SNAPC4: variants seen among roughly 807,000 people sequenced by gnomAD.
SNAPC4 encodes the protein snRNA-activating protein complex subunit 4.
A neutral mutation model predicts 151.3 loss-of-function variants in SNAPC4; 127 were observed. The ratio of observed to expected loss-of-function variants is 0.84; its 90% CI spans 0.73 to 0.97. The LOEUF (loss-of-function observed/expected upper bound fraction) is 0.97, where lower values mean the gene tolerates loss of function less well. SNAPC4 is among the 50% of genes least tolerant of loss of function. The probability of loss-of-function intolerance (pLI) is 0.00; values close to 1 mark genes in which losing one functional copy is unlikely to be tolerated. For missense variants in SNAPC4, 2,186 were observed against 1,935.0 expected, an observed-to-expected ratio of 1.13 and a Z score of -2.43; for synonymous variants, 1,002 against 824.4, an observed-to-expected ratio of 1.22 and a Z score of -3.69.
chr9:136,394,441 A>C, intron 6 of SNAPC4, 111 bp from the exon 7 acceptor site: 2 of 905,656 alleles, frequency 2.2e-6, no homozygotes, highest in Non-Finnish European at 3.7e-6. Context: ...CACAGCGAGT[A>C]AGCAGCACGC....
intron 3 of SNAPC4, 79 bp downstream of exon 3, chr9:136,396,898 C>T: frequency 1.7e-6 from 2 of 1,148,022 alleles, no homozygotes; most frequent in East Asian, 2.3e-5. Flanking sequence ...TGGGTTCAAA[C>T]CACGCCCCCT....
chr9:136,383,942 G>A lies in SNAPC4; in HGVS notation c.1500+11C>T, dbSNP rs377079919. 76 of 1,610,316 alleles carry A rather than the reference G, an allele frequency of 4.7e-5. No individual in the cohort carries two copies. The highest frequency in any genetic ancestry group is 1.1e-4 in the African/African-American group (8 of 74,786). ...GTCTGGTTTCAGATAAAGAAGGAGC[G>A]AGTGGCTCACCCCCATCATGATCTT... On this transcript the variant is annotated intron_variant, in intron 15 of 23. Transcript: ENST00000684778. The surrounding 1 kb of genome is among the most constrained non-coding windows in gnomAD (Gnocchi z 4.2).
At position 136,394,843 on chromosome 9, in the gene SNAPC4, A is replaced by G; in HGVS notation, c.507T>C (p.Ala169=). ...CCTCGAAAGCCTTGATCCCCTGGGCAGCCTTCTCTCGTGTGTCCTCGTTGG... is the reference window on the plus strand; with the variant it reads ...CCTCGAAAGCCTTGATCCCCTGGGCGGCCTTCTCTCGTGTGTCCTCGTTGG... ...PPANEDTREK[A]AQGIKAFEEL... The change falls in exon 6 of 24, where the codon GCT becomes GCC. Residue 169 remains alanine, a synonymous_variant. Coordinates refer to ENST00000684778, the MANE Select transcript of SNAPC4 (RefSeq NM_003086.4). 4 of 1,613,926 alleles carry G rather than the reference A, an allele frequency of 2.5e-6. No homozygotes were observed. In the South Asian group the frequency reaches 4.4e-5, roughly 18 times the overall value.
At position 136,381,388 on chromosome 9, in the gene SNAPC4, A is replaced by C; in HGVS notation, c.2322T>G (p.Asp774Glu). 2 of 1,612,478 alleles carry C rather than the reference A, an allele frequency of 1.2e-6. No individual in the cohort carries two copies. Among genetic ancestry groups the C allele is most frequent in the Non-Finnish European group, 1.7e-6 (2 of 1,179,594 alleles). Residue 774 changes from aspartate to glutamate, a missense_variant, in exon 19 of 24, where the codon GAT becomes GAG. By Grantham distance (45) the Asp-to-Glu change is conservative. Transcript: ENST00000684778. ...QRPAVVQTQA[D>E]GLREQLQQAR... ...CCTGCTGCAGCTGCTCCCTGAGGCC[A>C]TCCGCTGCGGGCACAGGGGGATAAG...
chr9:136,378,754 G>T lies in SNAPC4; in HGVS notation c.3073C>A (p.Gln1025Lys). The T allele has an allele frequency of 6.5e-7, 1 of 1,530,730 alleles. No homozygotes were observed. Among genetic ancestry groups the T allele is most frequent in the Non-Finnish European group, 8.8e-7 (1 of 1,138,320 alleles). 94.8% of individuals were successfully genotyped at this position (1,530,730 alleles called of 1,614,324 possible). The part of the protein sequence containing the change: ...SVSCPESGLG[Q>K]SQAPAASRKQ... ...CGGGATGCAGCGGGGGCCTGAGACT[G>T]TCCGAGACCACTCTCGGGGCAGCTC... is the stretch of plus-strand genomic sequence containing the variant. Residue 1025 changes from glutamine (Q) to lysine (K), a missense_variant, in exon 22 of 24, where the codon CAG becomes AAG. Transcript: ENST00000684778.
chr9:136,381,673 G>A, intron 18 of SNAPC4, 151 bp downstream of exon 18: 1 of 950,536 alleles, frequency 1.1e-6, no homozygotes, highest in Non-Finnish European at 1.6e-6. Flanking sequence ...AAACCTTCAG[G>A]GACGGGAAGC....
chr9:136,390,700 C>T (rs550222444), intron 10 of SNAPC4, among the ~76,000 whole-genome samples: 59 of 151,610 alleles, frequency 3.9e-4, no homozygotes, highest in African/African-American at 1.4e-3. Flanking sequence ...ACATCCTGCA[C>T]ACACAGCCCT....
At position 136,377,670 on chromosome 9, in the gene SNAPC4, A is replaced by C; in HGVS notation, c.4157T>G (p.Val1386Gly). The C allele has an allele frequency of 6.2e-7, 1 of 1,606,768 alleles. No homozygotes were observed. Among genetic ancestry groups the C allele is most frequent in the Non-Finnish European group, 8.5e-7 (1 of 1,176,096 alleles). Residue 1386 changes from valine (V) to glycine (G), a missense_variant, in exon 22 of 24, where the codon GTC becomes GGC. Coordinates refer to ENST00000684778, the MANE Select transcript of SNAPC4 (RefSeq NM_003086.4). The stretch of plus-strand genomic sequence containing the variant: ...CGAAGGTACTGAGAGGGTGGTGCGG[A>C]CGCCTTGGGGGGCCAGGGTGGCCAG... ...ALLATLAPQG[V>G]RTTLSVPSRV... is the part of the protein sequence containing the mutation.
rs373248513 is a variant in SNAPC4, at chr9:136,381,627, TAGGG to T, written c.2317+193_2317+196del. ...GCTTGGCCCAGGAAGAGTGGTGGGG[TAGGG>T]AGGGAGGGCTGGCTGTGACTGGGTG... On this transcript the variant is annotated intron_variant, in intron 18 of 23. Transcript: ENST00000684778. Among the ~76,000 whole-genome samples the T allele has an allele frequency of 1.0e-3, 152 of 151,626 alleles. 1 individual carries two copies. In the East Asian group the frequency reaches 0.025, roughly 25 times the overall value.
intron 10 of SNAPC4, among the ~76,000 whole-genome samples, chr9:136,389,552 G>T (rs903247943): frequency 3.9e-5 from 6 of 152,276 alleles, no homozygotes; most frequent in Non-Finnish European, 8.8e-5. Context: ...CCCGGGGTGT[G>T]CAAGCTGCAG....
chr9:136,390,478 C>G (rs1185523469), intron 10 of SNAPC4, among the ~76,000 whole-genome samples: 1 of 147,478 alleles, frequency 6.8e-6, no homozygotes, highest in African/African-American at 2.5e-5. Flanking sequence ...TGGCGTGAAC[C>G]CGGGAGGCGG....
chr9:136,383,988 A>G lies in SNAPC4; in HGVS notation c.1465T>C (p.Ser489Pro), dbSNP rs1346996954. The change falls in exon 15 of 24, where the codon TCC (serine) becomes CCC (proline). Residue 489 changes from serine (S) to proline (P), a missense_variant. Transcript: ENST00000684778. This position sits in a 1 kb window ranked among gnomAD's most constrained non-coding sequence, Gnocchi z 4.2. ...ATCTTCCACTTGCTCAGACACTGGGAGCCAGACCGATGGGGCAGCTCAGAA... is the reference window on the plus strand; with the variant it reads ...ATCTTCCACTTGCTCAGACACTGGGGGCCAGACCGATGGGGCAGCTCAGAA... ...IASELPHRSG[S>P]QCLSKWKIMM... 1 of 1,613,752 alleles carries G rather than the reference A, an allele frequency of 6.2e-7. No homozygotes were observed. The highest frequency in any genetic ancestry group is 1.7e-5 in the Admixed American group (1 of 59,986).
intron 22 of SNAPC4, among the ~76,000 whole-genome samples, chr9:136,377,315 G>A (rs1344599281): frequency 6.6e-6 from 1 of 152,206 alleles, no homozygotes; most frequent in African/African-American, 2.4e-5. Flanking sequence ...GCACGAGAAT[G>A]AGGCCTCTCT....
intron 9 of SNAPC4, 140 bp downstream of exon 9, chr9:136,392,382 G>T: frequency 2.2e-6 from 2 of 902,966 alleles, no homozygotes; most frequent in Non-Finnish European, 3.6e-6. Context: ...TGGGACATGT[G>T]CTTGACCCGG....
At chr9:136,395,579 C>T (rs763119123) in intron 4 of SNAPC4, 24 bp downstream of exon 4, 1 of 1,597,820 alleles carries the variant, frequency 6.3e-7, no homozygotes, top group South Asian at 1.1e-5. Flanking sequence ...GGTGTGGGCA[C>T]CGGGGGGCCG....
rs1487144880 is a variant in SNAPC4 at position 136,383,939 on chromosome 9, A to T, written c.1500+14T>A. 1 of 1,610,072 alleles carries T rather than the reference A, an allele frequency of 6.2e-7. No homozygotes were observed. The highest frequency in any genetic ancestry group is 1.1e-5 in the South Asian group (1 of 90,974). On this transcript the variant is annotated intron_variant, in intron 15 of 23. Coordinates refer to ENST00000684778, the MANE Select transcript of SNAPC4 (RefSeq NM_003086.4). The surrounding 1 kb of genome is among the most constrained non-coding windows in gnomAD (Gnocchi z 4.2). ...ATTGTCTGGTTTCAGATAAAGAAGG[A>T]GCGAGTGGCTCACCCCCATCATGAT...
rs1305611775 is a variant in SNAPC4 at position 136,378,796 on chromosome 9, G to A, written c.3031C>T (p.Pro1011Ser). 6.4e-7 allele frequency: 1 copy of A among 1,571,142 alleles called. No homozygotes were observed. The highest frequency in any genetic ancestry group is 1.2e-5 in the South Asian group (1 of 84,394). Reference sequence around the variant, plus strand: ...GGGCAGCTCACAGAGATCTGGCCGGGGCCCAGGGCAGGGGCTTGGGAAGCA... The same window carrying A: ...GGGCAGCTCACAGAGATCTGGCCGGAGCCCAGGGCAGGGGCTTGGGAAGCA... ...PAASQAPALG[P>S]GQISVSCPES... The change falls in exon 22 of 24, where the codon CCC (proline) becomes TCC (serine). Residue 1011 changes from proline to serine, a missense_variant. Transcript: ENST00000684778.
chr9:136,385,999 C>T (rs768018172), intron 13 of SNAPC4, among the ~76,000 whole-genome samples: 11 of 152,084 alleles, frequency 7.2e-5, no homozygotes, highest in South Asian at 2.1e-4. Flanking sequence ...CTCCTACTTT[C>T]GATTCTTTTG....
intron 18 of SNAPC4, among the ~76,000 whole-genome samples, chr9:136,381,611 A>AG (rs1833695098): frequency 6.6e-6 from 1 of 150,580 alleles, no homozygotes; most frequent in African/African-American, 2.4e-5. Context: ...TGCTTGGCCC[A>AG]GGAAGAGTGG....
Sources: allele counts gnomAD v4.1 joint callset (sites outside exome capture counted in the v4.1 genomes callset), GRCh38; gene constraint gnomAD v4.1.1; non-coding constraint Gnocchi (gnomAD v3.1); transcripts MANE v1.5; gene names NCBI Gene and HGNC (gene_info 2026-07-23, HGNC 2026-07-21).